The following RGS6 variants were observed in gnomAD, a reference collection of about 807,000 sequenced individuals.
RGS6 encodes the protein regulator of G protein signaling 6.
In RGS6, 30 loss-of-function variants were observed where a neutral mutation model predicts 78.5. The observed-to-expected ratio is 0.38, with a 90% CI of 0.29 to 0.52. RGS6 has a LOEUF of 0.52. RGS6 is among the 20% of genes least tolerant of loss of function. RGS6 has a pLI of 0.85. For missense variants in RGS6, 495 were observed against 609.7 expected (o/e 0.81, Z 1.98); for synonymous variants, 206 against 206.0 (o/e 1.00, Z 0.00).
the RGS6 span, among the ~76,000 whole-genome samples, chr14:71,876,763 C>T: frequency 6.6e-6 from 1 of 152,046 alleles, no homozygotes; most frequent in Non-Finnish European, 1.5e-5. Context: ...GCAGTTTCTT[C>T]CTAGCCTCGA....
rs573912119 is a variant in RGS6 at position 72,473,152 on chromosome 14, T to C, written c.618+199T>C. On this transcript the variant is annotated intron_variant, in intron 9 of 17. Coordinates refer to ENST00000553525, the MANE Select transcript of RGS6 (RefSeq NM_001204424.2). ...ATATGTAAGTTCCACCTTTTAAAAA[T>C]TATTCATTCGGCCGGGCATGGCGGC... Among the ~76,000 whole-genome samples, 5 of 152,324 alleles carry C rather than the reference T, an allele frequency of 3.3e-5. No homozygotes were observed. In the East Asian group the frequency reaches 9.7e-4, roughly 29 times the overall value.
rs1216446947 is a variant in RGS6, at chr14:71,981,525, G to A, written c.84+16650G>A. On this transcript the variant is annotated intron_variant, in intron 2 of 17. Coordinates refer to ENST00000553525, the MANE Select transcript of RGS6 (RefSeq NM_001204424.2). ...TCTGTTGGAATACCCGGCCGTGTGAGGTGTCAGTGTGCCCCTGCTGGGGGG... is the reference window on the plus strand; with the variant it reads ...TCTGTTGGAATACCCGGCCGTGTGAAGTGTCAGTGTGCCCCTGCTGGGGGG... Among the ~76,000 whole-genome samples, 187 of 151,758 alleles carry A rather than the reference G, an allele frequency of 1.2e-3. 1 individual carries two copies. The highest frequency in any genetic ancestry group is 1.9e-4 in the Non-Finnish European group (13 of 67,898).
intron 3 of RGS6, among the ~76,000 whole-genome samples, chr14:72,353,068 C>T (rs2152744029): frequency 6.6e-6 from 1 of 152,254 alleles, no homozygotes; most frequent in African/African-American, 2.4e-5. Context: ...GCATGTGAAG[C>T]AACTGGAACT....
intron 3 of RGS6, among the ~76,000 whole-genome samples, chr14:72,427,822 T>C (rs968188160): frequency 3.6e-4 from 55 of 152,230 alleles, no homozygotes; most frequent in African/African-American, 1.3e-3. Context: ...TCTTACTCTT[T>C]TTGTTTTAAA....
At chr14:72,578,197 C>G in the RGS6 span, among the ~76,000 whole-genome samples, 1 of 152,200 alleles carries the variant, frequency 6.6e-6, no homozygotes, top group Non-Finnish European at 1.5e-5. Context: ...AAGGAATGCT[C>G]TTAGACTTTT....
intron 2 of RGS6, among the ~76,000 whole-genome samples, chr14:72,102,308 A>T (rs2095545004): frequency 6.6e-6 from 1 of 152,370 alleles, no homozygotes; most frequent in East Asian, 1.9e-4. Context: ...CTTTACCAAA[A>T]TACATTTACA....
chr14:72,545,960 G>A (rs905184938), intron 17 of RGS6, among the ~76,000 whole-genome samples: 1 of 152,200 alleles, frequency 6.6e-6, no homozygotes, highest in Non-Finnish European at 1.5e-5. Context: ...GTGGACCCCA[G>A]GGTCGGTGTT....
intron 2 of RGS6, among the ~76,000 whole-genome samples, chr14:72,060,234 C>T (rs888536979): frequency 1.3e-5 from 2 of 152,106 alleles, no homozygotes; most frequent in African/African-American, 2.4e-5. Flanking sequence ...TTTTATAGAA[C>T]ATTAAAGCTC....
chr14:71,931,331 T>C (rs1355087357), upstream of RGS6, among the ~76,000 whole-genome samples: 1 of 151,942 alleles, frequency 6.6e-6, no homozygotes, highest in Non-Finnish European at 1.5e-5. Flanking sequence ...ACGTGAAGGC[T>C]TCAGGGCAGA....
chr14:72,406,138 G>T (rs1055702253), intron 3 of RGS6, among the ~76,000 whole-genome samples: 3 of 152,210 alleles, frequency 2.0e-5, no homozygotes, highest in African/African-American at 7.2e-5. Flanking sequence ...TGTAATCCCA[G>T]CACTTTGGGA....
intron 17 of RGS6, among the ~76,000 whole-genome samples, chr14:72,542,455 G>A (rs1442289526): frequency 6.6e-6 from 1 of 152,198 alleles, no homozygotes; most frequent in South Asian, 2.1e-4. Flanking sequence ...TCTAAGAGAA[G>A]ATCTACGTGA....
intron 3 of RGS6, among the ~76,000 whole-genome samples, chr14:72,369,816 G>A (rs958463759): frequency 2.0e-5 from 3 of 152,094 alleles, no homozygotes; most frequent in Non-Finnish European, 2.9e-5. Context: ...TTCCACGTTC[G>A]TGATGGAATT....
intron 2 of RGS6, among the ~76,000 whole-genome samples, chr14:72,082,777 G>A (rs1391296220): frequency 6.6e-6 from 1 of 152,172 alleles, no homozygotes; most frequent in Non-Finnish European, 1.5e-5. Context: ...ATATTTCACA[G>A]TGTCATGGAA....
chr14:72,168,602 T>C (rs1305993216), intron 2 of RGS6, among the ~76,000 whole-genome samples: 3 of 152,228 alleles, frequency 2.0e-5, no homozygotes, highest in South Asian at 2.1e-4. Flanking sequence ...GGATATACTA[T>C]TGGGTTAAAT....
At chr14:72,239,256 T>C (rs2052077235) in intron 2 of RGS6, among the ~76,000 whole-genome samples, 1 of 152,122 alleles carries the variant, frequency 6.6e-6, no homozygotes, top group Non-Finnish European at 1.5e-5. Flanking sequence ...GCACACACAG[T>C]GTGTTTAGGA....
intron 2 of RGS6, among the ~76,000 whole-genome samples, chr14:72,348,944 A>G (rs975254354): frequency 1.3e-5 from 2 of 152,192 alleles, no homozygotes; most frequent in African/African-American, 4.8e-5. Context: ...AGGTGGGCAG[A>G]TCACAAGGTC....
intron 2 of RGS6, among the ~76,000 whole-genome samples, chr14:72,058,998 G>T (rs1235878630): frequency 6.6e-6 from 1 of 151,984 alleles, no homozygotes; most frequent in Non-Finnish European, 1.5e-5. Flanking sequence ...CTACCTCCTG[G>T]GCTCAACTGA....
At chr14:72,165,455 G>A (rs866876263) in intron 2 of RGS6, among the ~76,000 whole-genome samples, 1 of 152,214 alleles carries the variant, frequency 6.6e-6, no homozygotes, top group Non-Finnish European at 1.5e-5. Context: ...TTAGCTGCAA[G>A]CAGTTATGCT....
At chr14:72,405,920 G>A (rs986351409) in intron 3 of RGS6, among the ~76,000 whole-genome samples, 1 of 152,226 alleles carries the variant, frequency 6.6e-6, no homozygotes, top group Non-Finnish European at 1.5e-5. Flanking sequence ...CAGGGCTGCT[G>A]TGGTCTTCAT....
Sources: gnomAD v4.1 joint callset for allele counts (sites outside exome capture counted in the v4.1 genomes callset) on GRCh38, gnomAD v4.1.1 for gene constraint, MANE v1.5 for transcripts, NCBI Gene and HGNC (gene_info 2026-07-23, HGNC 2026-07-21) for gene names.